Variants in SH3RF1 observed in about 807,000 individuals in gnomAD.
SH3RF1 encodes SH3 domain containing ring finger 1.
SH3RF1 carries 32 observed loss-of-function variants against 74.0 expected under a neutral mutation model. The ratio of observed to expected loss-of-function variants is 0.43; its 90% CI spans 0.33 to 0.58. The LOEUF (loss-of-function observed/expected upper bound fraction) is 0.58. Among genes scored for constraint, SH3RF1 ranks in the 20% least tolerant of loss-of-function variants. The pLI, the probability that SH3RF1 is intolerant of heterozygous loss-of-function variation, is 0.05. For synonymous variants in SH3RF1, 396 were observed against 439.6 expected, an observed-to-expected ratio of 0.90 and a Z score of 1.24; for missense variants, 954 against 1,130.9, an observed-to-expected ratio of 0.84 and a Z score of 2.24.
intron 2 of SH3RF1, among the ~76,000 whole-genome samples, chr4:169,262,986 A>AAAAC (rs113758971): frequency 0.021 from 3,132 of 152,250 alleles, 104 homozygotes; most frequent in African/African-American, 0.071. Flanking sequence ...TGGTTTAGCC[A>AAAAC]AAACAAACAA....
At chr4:169,196,961 C>CAA (rs1158152890) in intron 2 of SH3RF1, among the ~76,000 whole-genome samples, 1 of 152,024 alleles carries the variant, frequency 6.6e-6, no homozygotes, top group African/African-American at 2.4e-5. Flanking sequence ...AAAAAGCACT[C>CAA]AAAAAAGTAA....
At chr4:169,253,922 ATTCT>A (rs1731144971) in intron 2 of SH3RF1, among the ~76,000 whole-genome samples, 1 of 152,348 alleles carries the variant, frequency 6.6e-6, no homozygotes, top group African/African-American at 2.4e-5. Context: ...TCAGCAGAAC[ATTCT>A]TTCTAATAAA....
At chr4:169,181,955 T>A (rs899721082) in intron 2 of SH3RF1, among the ~76,000 whole-genome samples, 4 of 152,222 alleles carry the variant, frequency 2.6e-5, no homozygotes, top group African/African-American at 9.6e-5. Context: ...TGAGTTTTTA[T>A]TTGTCTCTCC....
intron 2 of SH3RF1, among the ~76,000 whole-genome samples, chr4:169,214,366 G>A (rs1730427969): frequency 6.6e-6 from 1 of 152,202 alleles, no homozygotes; most frequent in South Asian, 2.1e-4. Context: ...AGTACAGCCT[G>A]CAGGACTGTG....
chr4:169,252,252 T>C (rs1309545341), intron 2 of SH3RF1, among the ~76,000 whole-genome samples: 1 of 152,258 alleles, frequency 6.6e-6, no homozygotes, highest in Non-Finnish European at 1.5e-5. Context: ...AATTCATTCA[T>C]GGCTAACCCA....
intron 11 of SH3RF1, among the ~76,000 whole-genome samples, chr4:169,106,350 T>C (rs967178801): frequency 1.3e-5 from 2 of 151,942 alleles, no homozygotes; most frequent in African/African-American, 4.8e-5. Context: ...TGCCTGGCCA[T>C]ATGAGTATAT....
chr4:169,259,109 T>C (rs1731234683), intron 2 of SH3RF1, among the ~76,000 whole-genome samples: 1 of 152,140 alleles, frequency 6.6e-6, no homozygotes, highest in Admixed American at 6.6e-5. Flanking sequence ...TCATTACATA[T>C]TAAAATAATG....
At chr4:169,252,334 C>G (rs1731118975) in intron 2 of SH3RF1, among the ~76,000 whole-genome samples, 1 of 152,238 alleles carries the variant, frequency 6.6e-6, no homozygotes, top group Non-Finnish European at 1.5e-5. Context: ...TATCTTGTCA[C>G]ATATTTTTCC....
chr4:169,099,603 C>T (rs1732983973), intron 11 of SH3RF1, among the ~76,000 whole-genome samples: 1 of 152,098 alleles, frequency 6.6e-6, no homozygotes. Flanking sequence ...TCAGAGTAGA[C>T]TTCTCATGAG....
chr4:169,236,812 C>T (rs951389927), intron 2 of SH3RF1, among the ~76,000 whole-genome samples: 8 of 152,046 alleles, frequency 5.3e-5, no homozygotes, highest in Non-Finnish European at 1.2e-4. Context: ...TAATAAAATG[C>T]TACATATGTA....
chr4:169,252,739 T>G (rs1731126619), intron 2 of SH3RF1, among the ~76,000 whole-genome samples: 1 of 152,226 alleles, frequency 6.6e-6, no homozygotes, highest in Non-Finnish European at 1.5e-5. Context: ...TACGTGCTGA[T>G]GGACTGACGT....
At chr4:169,170,927 G>A (rs1734318327) in intron 2 of SH3RF1, among the ~76,000 whole-genome samples, 1 of 152,192 alleles carries the variant, frequency 6.6e-6, no homozygotes, top group African/African-American at 2.4e-5. Context: ...AGAAGAAAGT[G>A]ACAATAAGGA....
chr4:169,248,698 A>C (rs1264522388), intron 2 of SH3RF1, among the ~76,000 whole-genome samples: 1 of 152,342 alleles, frequency 6.6e-6, no homozygotes, highest in Admixed American at 6.5e-5. Context: ...GGAAACATCC[A>C]CGTGAGCAGT....
chr4:169,116,827 G>T (rs1413891576), intron 9 of SH3RF1, among the ~76,000 whole-genome samples, 197 bp from the exon 10 acceptor site: 4 of 152,164 alleles, frequency 2.6e-5, no homozygotes, highest in African/African-American at 9.7e-5. Context: ...TGTCCTTCCA[G>T]GTCAGCCCTT....
At chr4:169,196,489 G>A (rs1354493299) in intron 2 of SH3RF1, among the ~76,000 whole-genome samples, 1 of 152,214 alleles carries the variant, frequency 6.6e-6, no homozygotes, top group Non-Finnish European at 1.5e-5. Context: ...ACTGTTAGTA[G>A]AAGTAATTTG....
intron 5 of SH3RF1, among the ~76,000 whole-genome samples, chr4:169,131,387 T>A (rs2126951610): frequency 6.6e-6 from 1 of 152,338 alleles, no homozygotes; most frequent in East Asian, 1.9e-4. Flanking sequence ...CTCCTCATTA[T>A]TTTTTATTAG....
chr4:169,187,872 C>T lies in SH3RF1; in HGVS notation c.394-31193G>A, dbSNP rs189964664. Among the ~76,000 whole-genome samples the T allele has an allele frequency of 3.0e-3, 460 of 152,142 alleles. 3 individuals are homozygous for T. The highest frequency in any genetic ancestry group is 5.1e-3 in the Admixed American group (78 of 15,284). ...TATTAGAAATAGGGTCTAGGGTCTT[C>T]GCAGATGGAATCCGCAAAGTTAAAA... On this transcript the variant is annotated intron_variant, in intron 2 of 11. Transcript: ENST00000284637.
chr4:169,147,123 C>T (rs1274847959), intron 4 of SH3RF1, among the ~76,000 whole-genome samples: 1 of 152,184 alleles, frequency 6.6e-6, no homozygotes, highest in Non-Finnish European at 1.5e-5. Context: ...GTTCACTTCA[C>T]TGTGTTTACT....
rs1217025419 is a variant in SH3RF1 at position 169,227,695 on chromosome 4, A to AGT, written c.393+41123_393+41124dup. Among the ~76,000 whole-genome samples the AGT allele has an allele frequency of 3.9e-5, 6 of 152,316 alleles. No homozygotes were observed. In the East Asian group the frequency reaches 1.2e-3, roughly 29 times the overall value. ...CTCTCTCTGTGTGCCTTTCTCTACC[A>AGT]GTGGCCTGGAAACAACTTACAGGTA... On this transcript the variant is annotated intron_variant, in intron 2 of 11. Transcript: ENST00000284637.
Sources: allele counts gnomAD v4.1 joint callset (sites outside exome capture counted in the v4.1 genomes callset), GRCh38; gene constraint gnomAD v4.1.1; transcripts MANE v1.5; gene names NCBI Gene and HGNC (gene_info 2026-07-23, HGNC 2026-07-21).